LRRC3B: variants seen among roughly 807,000 people sequenced by gnomAD.
The protein encoded by LRRC3B is leucine rich repeat containing 3B, also known as leucine-rich repeat-containing protein 3B.
LRRC3B carries 2 observed loss-of-function variants against 12.8 expected under a neutral mutation model. That is an observed-to-expected ratio of 0.16 (90% CI 0.06 to 0.49). The LOEUF (loss-of-function observed/expected upper bound fraction) is 0.49. LRRC3B is among the 20% of genes least tolerant of loss of function. The probability of loss-of-function intolerance (pLI) is 0.96; values close to 1 mark genes in which losing one functional copy is unlikely to be tolerated. For synonymous variants in LRRC3B, 132 were observed against 122.0 expected (o/e 1.08, Z -0.54); for missense variants, 189 against 319.4 (o/e 0.59, Z 3.11).
intron 1 of LRRC3B, among the ~76,000 whole-genome samples, chr3:26,669,146 T>G (rs1427684247): frequency 6.6e-6 from 1 of 152,222 alleles, no homozygotes; most frequent in African/African-American, 2.4e-5. Context: ...AGTTATTTTT[T>G]TCAGTCAGTG....
At chr3:26,685,277 T>G (rs1382848239) in intron 1 of LRRC3B, among the ~76,000 whole-genome samples, 6 of 151,922 alleles carry the variant, frequency 3.9e-5, no homozygotes, top group Admixed American at 1.3e-4. Context: ...TGTTGTTGTT[T>G]TTTGGCGGGT....
intron 1 of LRRC3B, among the ~76,000 whole-genome samples, chr3:26,706,509 G>A (rs151234055): frequency 3.3e-5 from 5 of 152,270 alleles, no homozygotes; most frequent in Admixed American, 6.5e-5. Context: ...AAAGCAAGGC[G>A]TGCTCTGTAT....
intron 1 of LRRC3B, among the ~76,000 whole-genome samples, chr3:26,668,815 A>G (rs1353251852): frequency 6.6e-6 from 1 of 152,202 alleles, no homozygotes; most frequent in Non-Finnish European, 1.5e-5. Context: ...CTCCTTTTCA[A>G]TGCATATAGA....
intron 1 of LRRC3B, among the ~76,000 whole-genome samples, chr3:26,675,762 G>A (rs1474431897): frequency 6.6e-6 from 1 of 152,100 alleles, no homozygotes; most frequent in East Asian, 1.9e-4. Flanking sequence ...AATATACAGT[G>A]TTTTTAAAAA....
At chr3:26,627,346 G>A (rs1275497022) in intron 1 of LRRC3B, among the ~76,000 whole-genome samples, 1 of 152,142 alleles carries the variant, frequency 6.6e-6, no homozygotes, top group East Asian at 1.9e-4. Context: ...AGATCAGCGG[G>A]GCAAGAGTCA....
At chr3:26,659,811 T>A (rs1293758444) in intron 1 of LRRC3B, among the ~76,000 whole-genome samples, 1 of 152,170 alleles carries the variant, frequency 6.6e-6, no homozygotes, top group East Asian at 1.9e-4. Context: ...TTCTGAGAAA[T>A]TATCCCCTGT....
At chr3:26,629,486 T>G (rs1053946705) in intron 1 of LRRC3B, among the ~76,000 whole-genome samples, 1 of 152,198 alleles carries the variant, frequency 6.6e-6, no homozygotes, top group Non-Finnish European at 1.5e-5. Context: ...ATAATCATTG[T>G]ATAGGCCTGC....
At chr3:26,679,809 C>T (rs1255771058) in intron 1 of LRRC3B, among the ~76,000 whole-genome samples, 6 of 152,060 alleles carry the variant, frequency 3.9e-5, no homozygotes, top group Admixed American at 1.3e-4. Flanking sequence ...AAGAACAGTC[C>T]CTGGCATGTA....
In LRRC3B at chr3:26,672,371, G is replaced by A. The variant is rs918588795; in HGVS notation, c.-160-37142G>A. Among the ~76,000 whole-genome samples the A allele has an allele frequency of 5.3e-5, 8 of 152,088 alleles. 1 individual carries two copies. The highest frequency in any genetic ancestry group is 1.7e-4 in the African/African-American group (7 of 41,396). ...TCAGTTGGTAGCTCAGTTCTTAATG[G>A]CTTAGTAAGACTTGGTTTTGATGCA... is the stretch of plus-strand genomic sequence containing the variant. On this transcript the variant is annotated intron_variant, in intron 1 of 1. Transcript: ENST00000396641.
At chr3:26,634,686 C>T (rs1429661769) in intron 1 of LRRC3B, among the ~76,000 whole-genome samples, 3 of 152,164 alleles carry the variant, frequency 2.0e-5, no homozygotes, top group Non-Finnish European at 4.4e-5. Context: ...CTTGCATTTG[C>T]GTAATTTCCC....
At chr3:26,647,447 C>G (rs913818084) in intron 1 of LRRC3B, among the ~76,000 whole-genome samples, 3 of 152,124 alleles carry the variant, frequency 2.0e-5, no homozygotes, top group Admixed American at 6.5e-5. Context: ...ACTTGGAACT[C>G]TAAAAGAAGC....
intron 1 of LRRC3B, among the ~76,000 whole-genome samples, chr3:26,667,745 A>C (rs1477766532): frequency 6.6e-6 from 1 of 152,222 alleles, no homozygotes. Flanking sequence ...CTAAAAGAAC[A>C]GACTGAGAAA....
chr3:26,649,723 A>G (rs1699224818), intron 1 of LRRC3B, among the ~76,000 whole-genome samples: 2 of 152,100 alleles, frequency 1.3e-5, no homozygotes, highest in Non-Finnish European at 2.9e-5. Context: ...TACTTCCTTT[A>G]AGGCATTTGG....
chr3:26,665,362 A>T (rs572661671), intron 1 of LRRC3B, among the ~76,000 whole-genome samples: 1 of 152,178 alleles, frequency 6.6e-6, no homozygotes, highest in South Asian at 2.1e-4. Context: ...ACTTCTTCCT[A>T]TCGTCTTTGT....
chr3:26,642,572 T>C (rs1699053371), intron 1 of LRRC3B, among the ~76,000 whole-genome samples: 1 of 152,190 alleles, frequency 6.6e-6, no homozygotes, highest in Non-Finnish European at 1.5e-5. Context: ...GTCAGCAAGC[T>C]GCTGGTACAG....
intron 1 of LRRC3B, among the ~76,000 whole-genome samples, chr3:26,683,394 G>T (rs1173915201): frequency 6.6e-6 from 1 of 151,724 alleles, no homozygotes; most frequent in African/African-American, 2.4e-5. Flanking sequence ...AGCAGTTGTA[G>T]CATCATATTT....
At chr3:26,647,290 A>T (rs1446402082) in intron 1 of LRRC3B, among the ~76,000 whole-genome samples, 1 of 151,916 alleles carries the variant, frequency 6.6e-6, no homozygotes, top group East Asian at 1.9e-4. Context: ...GGTTTTGATG[A>T]CTCATTTGTG....
At chr3:26,679,643 G>T (rs1467845774) in intron 1 of LRRC3B, among the ~76,000 whole-genome samples, 1 of 152,106 alleles carries the variant, frequency 6.6e-6, no homozygotes, top group Admixed American at 6.6e-5. Context: ...CTTTTATTCT[G>T]CTTTGTTGTT....
chr3:26,699,057 T>C (rs1700388704), intron 1 of LRRC3B, among the ~76,000 whole-genome samples: 1 of 152,158 alleles, frequency 6.6e-6, no homozygotes, highest in Non-Finnish European at 1.5e-5. Flanking sequence ...TTTTTTATTT[T>C]TGTTTTTTGT....
Sources: gnomAD v4.1 joint callset for allele counts (sites outside exome capture counted in the v4.1 genomes callset) on GRCh38, gnomAD v4.1.1 for gene constraint, MANE v1.5 for transcripts, NCBI Gene and HGNC (gene_info 2026-07-23, HGNC 2026-07-21) for gene names.